The following CHRNA5 variants were observed in gnomAD, a reference collection of about 807,000 sequenced individuals.
CHRNA5 encodes neuronal acetylcholine receptor subunit alpha-5.
Under a neutral mutation model 41.2 loss-of-function variants are expected in CHRNA5, and 28 were observed. That is an observed-to-expected ratio of 0.68 (90% CI 0.50 to 0.93). The LOEUF is 0.93. CHRNA5 is among the 40% of genes least tolerant of loss of function. CHRNA5 has a pLI of 0.00. For missense variants in CHRNA5, 481 were observed against 581.9 expected, an observed-to-expected ratio of 0.83 and a Z score of 1.78; for synonymous variants, 188 against 205.8, an observed-to-expected ratio of 0.91 and a Z score of 0.74.
rs145794252 is a variant in CHRNA5, at chr15:78,590,180, G to T, written c.789G>T (p.Gly263=). ...TGTTCCTTATAATACCCTGTATTGG[G>T]CTCTCATTTTTAACTGTACTTGTCT... Residue 263 remains glycine (G), a synonymous_variant, in exon 5 of 6, where the codon GGG becomes GGT. Transcript: ENST00000299565. The T allele has an allele frequency of 2.7e-4, 435 of 1,613,856 alleles. No individual in the cohort carries two copies. The highest frequency in any genetic ancestry group is 3.6e-4 in the Non-Finnish European group (421 of 1,180,008).
At chr15:78,570,046 T>C (rs2052786964) in intron 1 of CHRNA5, among the ~76,000 whole-genome samples, 1 of 151,378 alleles carries the variant, frequency 6.6e-6, no homozygotes, top group African/African-American at 2.4e-5. Context: ...TCTTGAAAAC[T>C]CCTGACCTCA....
At chr15:78,581,768 C>G (rs1381889502) in intron 2 of CHRNA5, among the ~76,000 whole-genome samples, 3 of 152,002 alleles carry the variant, frequency 2.0e-5, no homozygotes, top group Non-Finnish European at 4.4e-5. Flanking sequence ...GTGTTTCTTG[C>G]CAGTCTGTCT....
At chr15:78,567,960 C>T (rs112291414) in intron 1 of CHRNA5, among the ~76,000 whole-genome samples, 4,499 of 152,280 alleles carry the variant, frequency 0.03, 228 homozygotes, top group African/African-American at 0.1. Context: ...ACCTGCCACT[C>T]GCTGTCTGTG....
intron 3 of CHRNA5, among the ~76,000 whole-genome samples, chr15:78,587,225 A>G (rs2141418111): frequency 2.6e-5 from 4 of 152,324 alleles, no homozygotes; most frequent in Middle Eastern, 6.8e-3. Flanking sequence ...ATGGAACTTC[A>G]TTCTAGTGGG....
chr15:78,589,767 T>G, intron 4 of CHRNA5, 38 bp from the exon 5 acceptor site: 1 of 1,440,512 alleles, frequency 6.9e-7, no homozygotes, highest in Non-Finnish European at 9.4e-7. Flanking sequence ...GTGCATTGTT[T>G]AATTTCTGCA....
In CHRNA5 at chr15:78,588,792, T is replaced by C. The variant is rs1340216618; in HGVS notation, c.413+369T>C. ...AATTGTGCATCCTTCTAGTTGTGTT[T>C]AAATACTGTATCGTCATTTTCCCAC... On this transcript the variant is annotated intron_variant, in intron 4 of 5. Coordinates refer to ENST00000299565, the Ensembl canonical transcript of CHRNA5. The surrounding 1 kb of genome is among the most constrained non-coding windows in gnomAD (Gnocchi z 4.1). 6.6e-6 allele frequency among the ~76,000 whole-genome samples: 1 copy of C among 152,228 alleles called. No individual in the cohort carries two copies. Among genetic ancestry groups the C allele is most frequent in the Non-Finnish European group, 1.5e-5 (1 of 68,048 alleles).
chr15:78,591,639 G>A (rs1002164590), intron 5 of CHRNA5, among the ~76,000 whole-genome samples: 52 of 152,088 alleles, frequency 3.4e-4, no homozygotes, highest in African/African-American at 1.1e-3. Context: ...GACATTTGAT[G>A]TATATATTTT....
chr15:78,567,960 C>G (rs112291414), intron 1 of CHRNA5, among the ~76,000 whole-genome samples: 1 of 152,166 alleles, frequency 6.6e-6, no homozygotes, highest in East Asian at 1.9e-4. Context: ...ACCTGCCACT[C>G]GCTGTCTGTG....
intron 5 of CHRNA5, among the ~76,000 whole-genome samples, chr15:78,592,262 C>T (rs1013154990): frequency 6.6e-6 from 1 of 152,206 alleles, no homozygotes; most frequent in Non-Finnish European, 1.5e-5. Flanking sequence ...GCAGAGGTTG[C>T]AGTGAGCCGA....
chr15:78,572,578 G>A (rs2052815606), intron 1 of CHRNA5, among the ~76,000 whole-genome samples: 2 of 152,056 alleles, frequency 1.3e-5, no homozygotes, highest in South Asian at 4.1e-4. Context: ...CTGCCTCCCG[G>A]GTTCAAGTGA....
At chr15:78,593,914 C>T (rs2053054710) in exon 6 of CHRNA5, 1 of 152,218 alleles carries the variant, frequency 6.6e-6, no homozygotes, top group Admixed American at 6.6e-5. Flanking sequence ...TGGTGCACAC[C>T]TGTAATCCCA....
intron 1 of CHRNA5, 105 bp from the exon 2 acceptor site, chr15:78,580,706 G>C: frequency 1.2e-6 from 1 of 856,870 alleles, no homozygotes. Flanking sequence ...GCCCGATCTT[G>C]GCTCACTGCA....
chr15:78,590,606 A>T (rs1185773169), exon 5 of CHRNA5: 1 of 1,613,224 alleles, frequency 6.2e-7, no homozygotes, highest in Non-Finnish European at 8.5e-7. Context: ...ACATTACAAG[A>T]CACATCATGA....
exon 5 of CHRNA5, chr15:78,590,579 G>A (rs151003606): frequency 3.8e-5 from 62 of 1,614,128 alleles, no homozygotes; most frequent in African/African-American, 2.9e-4. Context: ...TGGAAGCTGC[G>A]CTCGATTCTA....
At chr15:78,576,652 C>T (rs546618280) in intron 1 of CHRNA5, among the ~76,000 whole-genome samples, 4 of 151,738 alleles carry the variant, frequency 2.6e-5, no homozygotes, top group South Asian at 2.1e-4. Flanking sequence ...TGTGGTGGAA[C>T]GCACCTGTAG....
At chr15:78,565,884 C>A in intron 1 of CHRNA5, 59 bp downstream of exon 1, 2 of 1,058,934 alleles carry the variant, frequency 1.9e-6, no homozygotes, top group Non-Finnish European at 2.4e-6. Flanking sequence ...CATCGCGGTG[C>A]CCAGGAAGCC....
chr15:78,583,169 A>G (rs1435679779), intron 2 of CHRNA5, among the ~76,000 whole-genome samples: 2 of 152,150 alleles, frequency 1.3e-5, no homozygotes, highest in African/African-American at 4.8e-5. Flanking sequence ...GTACATAGTA[A>G]ATGCTGAATG....
At chr15:78,569,848 TCTCA>T (rs1420568469) in intron 1 of CHRNA5, among the ~76,000 whole-genome samples, 2 of 151,900 alleles carry the variant, frequency 1.3e-5, no homozygotes, top group African/African-American at 4.8e-5. Context: ...TGAGACAGAG[TCTCA>T]CTCTGTCGCC....
exon 5 of CHRNA5, chr15:78,590,544 G>A (rs1185778769): frequency 6.2e-7 from 1 of 1,614,142 alleles, no homozygotes; most frequent in Non-Finnish European, 8.5e-7. Context: ...GAGTGGTAGT[G>A]GACCAAAATC....
Sources: gnomAD v4.1 joint callset for allele counts (sites outside exome capture counted in the v4.1 genomes callset) on GRCh38, gnomAD v4.1.1 for gene constraint, Gnocchi (gnomAD v3.1) non-coding constraint, MANE v1.5 for transcripts, NCBI Gene and HGNC (gene_info 2026-07-23, HGNC 2026-07-21) for gene names.